Variants in THRB observed in about 807,000 individuals in gnomAD.
THRB encodes the protein thyroid hormone receptor beta.
THRB carries 12 observed loss-of-function variants against 47.8 expected under a neutral mutation model. The ratio of observed to expected loss-of-function variants is 0.25; its 90% CI spans 0.16 to 0.41. THRB has a LOEUF of 0.41. THRB is among the 10% of genes least tolerant of loss of function. The pLI is 1.00. For missense variants in THRB, 348 were observed against 589.2 expected, an observed-to-expected ratio of 0.59 and a Z score of 4.24; for synonymous variants, 218 against 212.2, an observed-to-expected ratio of 1.03 and a Z score of -0.24.
chr3:24,262,495 G>T (rs954180619), intron 3 of THRB, among the ~76,000 whole-genome samples: 1 of 152,140 alleles, frequency 6.6e-6, no homozygotes, highest in Non-Finnish European at 1.5e-5. Flanking sequence ...CTCTGATTGT[G>T]TCTTCAGCTG....
chr3:24,460,854 T>C (rs1300972682), intron 1 of THRB, among the ~76,000 whole-genome samples: 1 of 152,224 alleles, frequency 6.6e-6, no homozygotes, highest in East Asian at 1.9e-4. Context: ...CATAAGGTTA[T>C]GTAACTTCAT....
chr3:24,178,399 G>C (rs2041456060), intron 5 of THRB, among the ~76,000 whole-genome samples: 1 of 152,158 alleles, frequency 6.6e-6, no homozygotes, highest in Non-Finnish European at 1.5e-5. Flanking sequence ...GCCAAGGTGG[G>C]TAAATCACTT....
intron 1 of THRB, among the ~76,000 whole-genome samples, chr3:24,429,162 T>C (rs983499940): frequency 1.6e-4 from 24 of 151,310 alleles, no homozygotes; most frequent in Admixed American, 1.1e-3. Flanking sequence ...TAAAAGAAAA[T>C]TATGAGGTAT....
chr3:24,355,553 C>T (rs2063621564), intron 1 of THRB, among the ~76,000 whole-genome samples: 1 of 152,122 alleles, frequency 6.6e-6, no homozygotes, highest in Non-Finnish European at 1.5e-5. Context: ...TGTGCTTGTT[C>T]TTAGGAAATA....
intron 1 of THRB, among the ~76,000 whole-genome samples, chr3:24,390,314 G>A (rs1183255344): frequency 6.6e-6 from 1 of 152,114 alleles, no homozygotes; most frequent in South Asian, 2.1e-4. Context: ...GAGCATAAGT[G>A]GTTTTCGAAC....
intron 3 of THRB, among the ~76,000 whole-genome samples, chr3:24,277,425 T>C (rs1038711456): frequency 6.6e-5 from 10 of 152,284 alleles, no homozygotes; most frequent in South Asian, 2.1e-4. Context: ...GGAGAGCTTG[T>C]AGAAACCCAC....
intron 1 of THRB, among the ~76,000 whole-genome samples, chr3:24,418,569 A>C (rs1246379025): frequency 6.6e-6 from 1 of 151,940 alleles, no homozygotes; most frequent in African/African-American, 2.4e-5. Context: ...TTATAAAGCA[A>C]TGGTTCTCCC....
intron 4 of THRB, among the ~76,000 whole-genome samples, chr3:24,203,539 G>A (rs2149754228): frequency 6.6e-6 from 1 of 152,324 alleles, no homozygotes; most frequent in South Asian, 2.1e-4. Flanking sequence ...TTCTCAGATG[G>A]CTGAATAGGA....
intron 5 of THRB, 127 bp downstream of exon 5, chr3:24,189,947 G>T: frequency 1.1e-6 from 1 of 903,282 alleles, no homozygotes; most frequent in Non-Finnish European, 1.8e-6. Flanking sequence ...CCTAGTAAAA[G>T]AACAGTTGGA....
intron 3 of THRB, among the ~76,000 whole-genome samples, chr3:24,283,744 T>C (rs1158879062): frequency 6.6e-6 from 1 of 151,626 alleles, no homozygotes; most frequent in Non-Finnish European, 1.5e-5. Flanking sequence ...AGTCTCAGGA[T>C]ACAAAATCAA....
At chr3:24,292,300 T>C (rs961669041) in intron 3 of THRB, among the ~76,000 whole-genome samples, 3 of 152,188 alleles carry the variant, frequency 2.0e-5, no homozygotes, top group African/African-American at 7.2e-5. Flanking sequence ...AACTGCTCAA[T>C]GTTATTACTA....
intron 10 of THRB, among the ~76,000 whole-genome samples, chr3:24,123,472 T>C (rs1390983384): frequency 1.3e-5 from 2 of 152,086 alleles, no homozygotes; most frequent in East Asian, 3.9e-4. Flanking sequence ...GGGAACAATT[T>C]TGAATTTTCA....
intron 1 of THRB, among the ~76,000 whole-genome samples, chr3:24,408,268 A>C (rs983386087): frequency 1.3e-5 from 2 of 151,906 alleles, no homozygotes; most frequent in Admixed American, 1.3e-4. Context: ...TGACAAGAAA[A>C]TCAGACTGAA....
At chr3:24,165,267 A>G in intron 5 of THRB, 2 of 765,094 alleles carry the variant, frequency 2.6e-6, no homozygotes, top group Non-Finnish European at 4.8e-6. Context: ...CTATCTTCAA[A>G]ATACGCGTAA....
intron 5 of THRB, among the ~76,000 whole-genome samples, chr3:24,181,796 T>C (rs1255958746): frequency 6.6e-6 from 1 of 152,222 alleles, no homozygotes; most frequent in Non-Finnish European, 1.5e-5. Flanking sequence ...TCCCATTCTT[T>C]CCATTGTCTT....
intron 1 of THRB, among the ~76,000 whole-genome samples, chr3:24,484,255 G>A (rs1197541366): frequency 6.6e-6 from 1 of 152,130 alleles, no homozygotes; most frequent in East Asian, 1.9e-4. Flanking sequence ...AAAAGAAAAT[G>A]TCTCAATCAC....
At position 24,454,178 on chromosome 3, in the gene THRB, G is replaced by A. The variant is rs2072947537; in HGVS notation, c.-261+40474C>T. Among the ~76,000 whole-genome samples, 10 of 152,098 alleles carry A rather than the reference G, an allele frequency of 6.6e-5. No individual in the cohort carries two copies. The South Asian group carries it at 2.1e-3, about 31-fold the overall frequency. On this transcript the variant is annotated intron_variant, in intron 1 of 10. Coordinates refer to ENST00000646209, the MANE Select transcript of THRB (RefSeq NM_001354712.2). Reference sequence around the variant, plus strand: ...CTGGAATATTATTAAGCAATATAAAGAAATGAATTTTATCGATACATGGTA... The same window carrying A: ...CTGGAATATTATTAAGCAATATAAAAAAATGAATTTTATCGATACATGGTA...
Position 24,159,727 on chromosome 3 carries a change from C to CTGTGTGTGTG in THRB, c.284-7247_284-7238dup, listed in dbSNP as rs67972581. On this transcript the variant is annotated intron_variant, in intron 5 of 10. Coordinates refer to ENST00000646209, the MANE Select transcript of THRB (RefSeq NM_001354712.2). ...GAGACATTTTTGGTTGCCACAACTG[C>CTGTGTGTGTG]TGTGTGTGTGTGTGTGTGTGTGTGT... Among the ~76,000 whole-genome samples, 11 of 145,430 alleles carry CTGTGTGTGTG rather than the reference C, an allele frequency of 7.6e-5. No homozygotes were observed. The East Asian group carries it at 1.9e-3, about 25-fold the overall frequency.
chr3:24,488,846 A>G (rs1206548766), intron 1 of THRB, among the ~76,000 whole-genome samples: 1 of 152,210 alleles, frequency 6.6e-6, no homozygotes, highest in African/African-American at 2.4e-5. Context: ...AGATGATATC[A>G]CAGAGGGTTT....
Sources: gnomAD v4.1 joint callset for allele counts (sites outside exome capture counted in the v4.1 genomes callset) on GRCh38, gnomAD v4.1.1 for gene constraint, MANE v1.5 for transcripts, NCBI Gene and HGNC (gene_info 2026-07-23, HGNC 2026-07-21) for gene names.